SLC24A2: variants seen among roughly 807,000 people sequenced by gnomAD.
The protein encoded by SLC24A2 is sodium/potassium/calcium exchanger 2.
SLC24A2 carries 36 observed loss-of-function variants against 62.0 expected under a neutral mutation model. The observed-to-expected ratio is 0.58, with a 90% CI of 0.44 to 0.77. SLC24A2 has a LOEUF of 0.77. SLC24A2 is among the 30% of genes least tolerant of loss of function. The pLI is 0.00. For synonymous variants in SLC24A2, 358 were observed against 294.0 expected (o/e 1.22, Z -2.23); for missense variants, 846 against 817.9 (o/e 1.03, Z -0.42).
At chr9:19,844,439 G>A in the SLC24A2 span, among the ~76,000 whole-genome samples, 3 of 152,062 alleles carry the variant, frequency 2.0e-5, no homozygotes, top group South Asian at 2.1e-4. Context: ...TGCATAGTTT[G>A]CAGATATTTT....
At chr9:19,735,775 G>A (rs1346769565) in intron 2 of SLC24A2, among the ~76,000 whole-genome samples, 4 of 150,784 alleles carry the variant, frequency 2.7e-5, no homozygotes, top group East Asian at 1.9e-4. Flanking sequence ...ACCAAACACC[G>A]CATGTTCTCA....
chr9:19,869,526 G>T, the SLC24A2 span, among the ~76,000 whole-genome samples: 4 of 151,956 alleles, frequency 2.6e-5, no homozygotes, highest in African/African-American at 9.7e-5. Context: ...TGTTTTTGGT[G>T]TAACATTTTA....
At chr9:19,823,301 G>C in the SLC24A2 span, among the ~76,000 whole-genome samples, 6 of 31,476 alleles carry the variant, frequency 1.9e-4, no homozygotes, top group Non-Finnish European at 5.1e-4. Context: ...TTAACATTGT[G>C]TGTGTGTGTG....
At chr9:19,950,294 G>C in the SLC24A2 span, among the ~76,000 whole-genome samples, 2 of 152,114 alleles carry the variant, frequency 1.3e-5, no homozygotes, top group Non-Finnish European at 2.9e-5. Flanking sequence ...CTATAGAAGA[G>C]TTTGCTATTA....
At chr9:20,085,611 T>C in the SLC24A2 span, among the ~76,000 whole-genome samples, 1 of 152,254 alleles carries the variant, frequency 6.6e-6, no homozygotes. Context: ...ATTTTCTTTC[T>C]ACTCATTCAG....
At chr9:20,080,917 A>T in the SLC24A2 span, among the ~76,000 whole-genome samples, 1 of 152,154 alleles carries the variant, frequency 6.6e-6, no homozygotes, top group Non-Finnish European at 1.5e-5. Context: ...GCAAATCAAA[A>T]CCACAATGAG....
chr9:19,685,668 G>T (rs970500765), intron 2 of SLC24A2, among the ~76,000 whole-genome samples: 4 of 152,130 alleles, frequency 2.6e-5, no homozygotes, highest in African/African-American at 9.6e-5. Context: ...CAAGCAATGG[G>T]GGAAAAGACT....
intron 2 of SLC24A2, among the ~76,000 whole-genome samples, chr9:19,626,845 T>A (rs1210321416): frequency 6.6e-6 from 1 of 152,140 alleles, no homozygotes; most frequent in Non-Finnish European, 1.5e-5. Flanking sequence ...TTGTTAAAGA[T>A]GAATAAACCT....
the SLC24A2 span, among the ~76,000 whole-genome samples, chr9:19,988,967 T>G: frequency 2.0e-5 from 3 of 152,196 alleles, no homozygotes; most frequent in Admixed American, 2.0e-4. Flanking sequence ...GAAGCTAACT[T>G]TCTTAAGTGT....
At chr9:20,152,493 AG>A in the SLC24A2 span, among the ~76,000 whole-genome samples, 2 of 151,928 alleles carry the variant, frequency 1.3e-5, no homozygotes. Context: ...GCAAATGGAA[AG>A]AAAAGCAAAG....
chr9:20,226,265 C>T, the SLC24A2 span, among the ~76,000 whole-genome samples: 2 of 152,120 alleles, frequency 1.3e-5, no homozygotes, highest in Non-Finnish European at 2.9e-5. Context: ...TCAAAAGCAT[C>T]CAAAAACCAT....
chr9:19,915,351 T>G, the SLC24A2 span, among the ~76,000 whole-genome samples: 1 of 152,292 alleles, frequency 6.6e-6, no homozygotes, highest in East Asian at 1.9e-4. Context: ...ACATTTGGGT[T>G]GTTTCCACTT....
chr9:20,278,679 G>A, the SLC24A2 span, among the ~76,000 whole-genome samples: 1,204 of 152,206 alleles, frequency 7.9e-3, 20 homozygotes, highest in African/African-American at 0.027. Flanking sequence ...TTCCCACATC[G>A]TCCTGTCTTC....
the SLC24A2 span, among the ~76,000 whole-genome samples, chr9:19,865,273 G>C: frequency 6.6e-6 from 1 of 151,984 alleles, no homozygotes; most frequent in Non-Finnish European, 1.5e-5. Flanking sequence ...GTAATCTACA[G>C]ATACAATGCA....
chr9:20,235,841 C>T, the SLC24A2 span, among the ~76,000 whole-genome samples: 1 of 152,170 alleles, frequency 6.6e-6, no homozygotes, highest in Non-Finnish European at 1.5e-5. Flanking sequence ...GAGCTGTAGA[C>T]CGGAGCTGTT....
intron 2 of SLC24A2, among the ~76,000 whole-genome samples, chr9:19,722,444 A>G (rs1300797466): frequency 6.6e-6 from 1 of 152,134 alleles, no homozygotes; most frequent in Admixed American, 6.6e-5. Context: ...CTCCTTTGGC[A>G]CTATTACATC....
chr9:19,860,252 A>G, the SLC24A2 span, among the ~76,000 whole-genome samples: 27 of 152,156 alleles, frequency 1.8e-4, no homozygotes, highest in African/African-American at 6.3e-4. Flanking sequence ...CTTGGATACC[A>G]GTTCAGCCAC....
chr9:20,109,549 C>A, the SLC24A2 span, among the ~76,000 whole-genome samples: 1 of 152,130 alleles, frequency 6.6e-6, no homozygotes, highest in Non-Finnish European at 1.5e-5. Flanking sequence ...GTACTGAGTT[C>A]CTAATGAACA....
chr9:20,267,799 T>C, the SLC24A2 span, among the ~76,000 whole-genome samples: 2 of 152,154 alleles, frequency 1.3e-5, no homozygotes, highest in African/African-American at 2.4e-5. Flanking sequence ...GTGTCAAGTA[T>C]CTATAAAGGG....
Sources: allele counts gnomAD v4.1 joint callset (sites outside exome capture counted in the v4.1 genomes callset), GRCh38; gene constraint gnomAD v4.1.1; transcripts MANE v1.5; gene names NCBI Gene and HGNC (gene_info 2026-07-23, HGNC 2026-07-21).